SMARCA4: variants seen among roughly 807,000 people sequenced by gnomAD.
SMARCA4 encodes SWI/SNF related BAF chromatin remodeling complex subunit ATPase 4.
SMARCA4 carries 31 observed loss-of-function variants against 193.9 expected under a neutral mutation model. That is an observed-to-expected ratio of 0.16 (90% CI 0.12 to 0.22). SMARCA4 has a LOEUF of 0.22. SMARCA4 is among the 10% of genes least tolerant of loss of function. The pLI is 1.00. For synonymous variants in SMARCA4, 942 were observed against 933.1 expected (o/e 1.01, Z -0.17); for missense variants, 1,148 against 2,296.0 (o/e 0.50, Z 10.22).
chr19:10,987,871 C>T lies in SMARCA4; in HGVS notation c.1065C>T (p.Ile355=), dbSNP rs1342901943. 6.2e-7 allele frequency: 1 copy of T among 1,612,970 alleles called. No homozygotes were observed. ...AGAAGCAGAGCCGCATCACCCCCAT[C>T]CAGAAGCCGCGGGGCCTCGACCCTG... The part of the protein sequence containing the change: ...LHQKQSRITP[I]QKPRGLDPVE... Residue 355 remains isoleucine, a synonymous_variant, in exon 6 of 35, where the codon ATC becomes ATT. Coordinates refer to ENST00000344626, the MANE Select transcript of SMARCA4 (RefSeq NM_003072.5). The surrounding 1 kb of genome is among the most constrained non-coding windows in gnomAD (Gnocchi z 5.3).
intron 30 of SMARCA4, among the ~76,000 whole-genome samples, chr19:11,050,220 G>A (rs1166499204): frequency 2.0e-5 from 3 of 152,272 alleles, no homozygotes; most frequent in African/African-American, 7.2e-5. Context: ...TGCTCGGGCA[G>A]CTCGGAAAGA....
intron 29 of SMARCA4, among the ~76,000 whole-genome samples, chr19:11,036,484 C>A (rs899293252): frequency 1.3e-5 from 2 of 152,084 alleles, no homozygotes; most frequent in Non-Finnish European, 1.5e-5. Flanking sequence ...GTCTCAAACT[C>A]CTGGGCTCAA....
At chr19:11,013,868 G>A (rs2089099570) in intron 16 of SMARCA4, among the ~76,000 whole-genome samples, 1 of 152,032 alleles carries the variant, frequency 6.6e-6, no homozygotes, top group African/African-American at 2.4e-5. Context: ...GCTCTCACTT[G>A]CCACTGCCTG....
intron 8 of SMARCA4, among the ~76,000 whole-genome samples, chr19:10,994,476 C>T (rs1474707004): frequency 6.6e-6 from 1 of 151,832 alleles, no homozygotes; most frequent in African/African-American, 2.4e-5. Flanking sequence ...GGCGGCCCCT[C>T]ACCACGCCCG....
In SMARCA4 at chr19:10,982,807, A is replaced by T. The variant is rs1265203005; in HGVS notation, c.-31-1314A>T. On this transcript the variant is annotated intron_variant, in intron 1 of 34. Coordinates refer to ENST00000344626, the MANE Select transcript of SMARCA4 (RefSeq NM_003072.5). ...GCGTGAGCCACCGCGCCTGGCCAAA[A>T]AATGGAACTTTTTAAATCAAGAGAA... 2.6e-5 allele frequency among the ~76,000 whole-genome samples: 4 copies of T among 152,284 alleles called. No individual in the cohort carries two copies. The East Asian group carries it at 7.7e-4, about 29-fold the overall frequency.
intron 20 of SMARCA4, 42 bp downstream of exon 20, chr19:11,023,673 C>T (rs375808976): frequency 5.7e-6 from 7 of 1,236,320 alleles, no homozygotes; most frequent in African/African-American, 1.5e-5. Flanking sequence ...AGCAGCCTCA[C>T]GTGGGGGCTT....
Position 11,023,601 on chromosome 19 carries a change from G to A in SMARCA4, c.2943G>A (p.Lys981=), listed in dbSNP as rs2146454920. 1.9e-6 allele frequency: 3 copies of A among 1,612,060 alleles called. No individual in the cohort carries two copies. Among genetic ancestry groups the A allele is most frequent in the Non-Finnish European group, 2.5e-6 (3 of 1,179,002 alleles). Residue 981 remains lysine, a synonymous_variant, in exon 20 of 35, where the codon AAG becomes AAA. Transcript: ENST00000344626. ...VLRPFLLRRL[K]KEVEAQLPEK... ...GGCCCTTCTTGCTCCGACGACTCAA[G>A]AAGGAAGTCGAGGCCCAGTTGCCCG...
chr19:10,996,585 C>G (rs1043635016), intron 11 of SMARCA4, 41 bp downstream of exon 11: 3 of 1,579,816 alleles, frequency 1.9e-6, no homozygotes, highest in African/African-American at 2.7e-5. Context: ...CAAGCTAGCC[C>G]TAAGGCGTTG....
intron 34 of SMARCA4, among the ~76,000 whole-genome samples, chr19:11,061,204 A>AAAAAAAAT (rs1555797070): frequency 2.0e-4 from 9 of 45,216 alleles, no homozygotes; most frequent in African/African-American, 1.0e-3. Context: ...AAAAAAAAAA[A>AAAAAAAAT]ATATATATAT....
intron 1 of SMARCA4, among the ~76,000 whole-genome samples, chr19:10,981,941 T>C (rs987430557): frequency 3.3e-5 from 5 of 152,152 alleles, no homozygotes; most frequent in Non-Finnish European, 7.4e-5. Flanking sequence ...TGGGCTATGA[T>C]GGCTCCACTG....
intron 8 of SMARCA4, among the ~76,000 whole-genome samples, chr19:10,993,911 G>A (rs1897506983): frequency 2.0e-5 from 3 of 152,092 alleles, no homozygotes; most frequent in African/African-American, 7.2e-5. Flanking sequence ...CAAAGTGCTG[G>A]GATTACAGGC....
In SMARCA4 at chr19:11,059,855, G is replaced by A. The variant is rs1600644640; in HGVS notation, c.4738G>A (p.Glu1580Lys). The A allele has an allele frequency of 6.2e-7, 1 of 1,613,984 alleles. No individual in the cohort carries two copies. Among genetic ancestry groups the A allele is most frequent in the Non-Finnish European group, 8.5e-7 (1 of 1,179,970 alleles). The change falls in exon 33 of 35, where the codon GAG becomes AAG. Residue 1580 changes from glutamate to lysine, a missense_variant. Physicochemically the swap from Glu to Lys is moderately conservative, Grantham distance 56. This residue lies in a region of SMARCA4 where 105 missense variants were observed against 133.7 expected (regional missense o/e 0.79). Transcript: ENST00000344626. ...SEGEESEEEE[E>K]GEEEGSESES... The stretch of plus-strand genomic sequence containing the variant: ...AGGCGAGGAGAGTGAGGAGGAGGAA[G>A]AGGGCGAGGAGGAAGGCTCCGAATC...
intron 24 of SMARCA4, among the ~76,000 whole-genome samples, chr19:11,028,810 A>G (rs911908561): frequency 1.3e-5 from 2 of 152,146 alleles, no homozygotes; most frequent in African/African-American, 2.4e-5. Flanking sequence ...AGTTACTAGA[A>G]CTGGGCTTAC....
intron 1 of SMARCA4, chr19:10,983,636 G>A (rs1024971091): frequency 6.0e-6 from 1 of 167,842 alleles, no homozygotes; most frequent in Non-Finnish European, 1.3e-5. Context: ...GGTTCGCCTT[G>A]TTGGCCAGAC....
At chr19:11,012,837 T>A in intron 15 of SMARCA4, 112 bp from the exon 16 acceptor site, 1 of 928,960 alleles carries the variant, frequency 1.1e-6, no homozygotes, top group Non-Finnish European at 1.8e-6. Context: ...GAGGGTGGGA[T>A]GTGGCTTAGG....
intron 16 of SMARCA4, among the ~76,000 whole-genome samples, chr19:11,013,321 A>C (rs1035216796): frequency 6.6e-6 from 1 of 152,188 alleles, no homozygotes; most frequent in Admixed American, 6.5e-5. Context: ...GCTTACATGT[A>C]TCTCACTGTG....
chr19:10,963,728 G>A (rs2083994868), intron 1 of SMARCA4, among the ~76,000 whole-genome samples: 1 of 152,054 alleles, frequency 6.6e-6, no homozygotes, highest in South Asian at 2.1e-4. Flanking sequence ...ATGGGAAGCC[G>A]CTAACACACT....
chr19:11,043,309 G>A (rs1321695309), intron 30 of SMARCA4, among the ~76,000 whole-genome samples: 1 of 151,914 alleles, frequency 6.6e-6, no homozygotes, highest in Non-Finnish European at 1.5e-5. Flanking sequence ...AAAAAGAAAG[G>A]TTCTTTTATT....
At chr19:11,025,812 T>C (rs1159293379) in intron 22 of SMARCA4, among the ~76,000 whole-genome samples, 1 of 152,214 alleles carries the variant, frequency 6.6e-6, no homozygotes, top group Non-Finnish European at 1.5e-5. Context: ...TCTCTTTGGC[T>C]CACTGGCTTT....
Sources: gnomAD v4.1 joint callset for allele counts (sites outside exome capture counted in the v4.1 genomes callset) on GRCh38, gnomAD v4.1.1 for gene constraint, gnomAD v4.1.1 regional missense constraint, Gnocchi (gnomAD v3.1) non-coding constraint, MANE v1.5 for transcripts, NCBI Gene and HGNC (gene_info 2026-07-23, HGNC 2026-07-21) for gene names.